The following HCFC1 variants were observed in gnomAD, a reference collection of about 807,000 sequenced individuals.
HCFC1 encodes host cell factor C1, also known as host cell factor 1.
A neutral mutation model predicts 105.5 loss-of-function variants in HCFC1; 7 were observed. That is an observed-to-expected ratio of 0.07 (90% confidence interval 0.04 to 0.12). The LOEUF (loss-of-function observed/expected upper bound fraction) is 0.12, where lower values mean the gene tolerates loss of function less well. HCFC1 is among the 10% of genes least tolerant of loss of function. The probability of loss-of-function intolerance (pLI) is 1.00; values close to 1 mark genes in which losing one functional copy is unlikely to be tolerated. For missense variants in HCFC1, 1,065 were observed against 1,823.6 expected (o/e 0.58, Z 7.58); for synonymous variants, 918 against 828.1 (o/e 1.11, Z -1.86).
chrX:153,950,074 G>C (rs1487001103), intron 24 of HCFC1, among the ~76,000 whole-genome samples, 169 bp downstream of exon 24: 2 of 111,918 alleles, frequency 1.8e-5, no homozygotes, highest in Non-Finnish European at 3.8e-5. Flanking sequence ...CCCGGAGCTG[G>C]GTCCCCTGCT....
At position 153,956,847 on chromosome X, in the gene HCFC1, AG is replaced by A. The variant is rs1301720296; in HGVS notation, c.2496+70del. Reference sequence around the variant, plus strand: ...TGCTGCCCCTCCCAGGCCTGTCGGGAGGACCTGCGTGGCGTGCTGGGGTGGA... The same window carrying A: ...TGCTGCCCCTCCCAGGCCTGTCGGGAGACCTGCGTGGCGTGCTGGGGTGGA... On this transcript the variant is annotated intron_variant, in intron 14 of 25. Transcript: ENST00000310441. The A allele has an allele frequency of 3.3e-6, 4 of 1,202,372 alleles. No individual in the cohort carries two copies. The Admixed American group carries it at 8.7e-5, about 26-fold the overall frequency.
intron 22 of HCFC1, among the ~76,000 whole-genome samples, 162 bp from the exon 23 acceptor site, chrX:153,951,160 C>T (rs1236085260): frequency 2.7e-5 from 3 of 112,148 alleles, no homozygotes; most frequent in East Asian, 5.6e-4. Flanking sequence ...GACTGTGGCC[C>T]GGTACTGGCG....
At chrX:153,965,384 G>A (rs925903350) in intron 1 of HCFC1, among the ~76,000 whole-genome samples, 1 of 111,510 alleles carries the variant, frequency 9.0e-6, no homozygotes, top group East Asian at 2.8e-4. Flanking sequence ...AGGGTGAGGC[G>A]ACCACCAAGA....
rs1225477214 is a variant in HCFC1, at chrX:153,949,250, G to C, written c.*97C>G. ...GTGAACAGCGGCTCGCGAGGGTGAA[G>C]TGCGAATGCTGGGACGGGGTGGGAG... On this transcript the variant is annotated 3_prime_UTR_variant, in exon 26 of 26. Coordinates refer to ENST00000310441, the MANE Select transcript of HCFC1 (RefSeq NM_005334.3). 2 of 625,059 alleles carry C rather than the reference G, an allele frequency of 3.2e-6. No homozygotes were observed. Among genetic ancestry groups the C allele is most frequent in the African/African-American group, 4.7e-5 (2 of 42,130 alleles). 51.5% of individuals were successfully genotyped at this position (625,059 alleles called of 1,213,427 possible).
intron 5 of HCFC1, 34 bp from the exon 6 acceptor site, chrX:153,961,682 G>T: frequency 2.8e-6 from 3 of 1,058,276 alleles, no homozygotes; most frequent in Non-Finnish European, 3.9e-6. Flanking sequence ...GGAAAGGATT[G>T]TAGAGTTGGT....
At chrX:153,962,405 G>C in intron 4 of HCFC1, 99 bp from the exon 5 acceptor site, 2 of 584,560 alleles carry the variant, frequency 3.4e-6, no homozygotes, top group Non-Finnish European at 5.7e-6. Context: ...CTGTCTCAGT[G>C]AGAGAATTCC....
intron 10 of HCFC1, 45 bp from the exon 11 acceptor site, chrX:153,958,294 T>C (rs1557115741): frequency 2.9e-6 from 3 of 1,044,406 alleles, no homozygotes; most frequent in Middle Eastern, 2.7e-4. Flanking sequence ...AAGAAAGCGA[T>C]GGGGAAACCA....
chrX:153,951,801 CCCCCACCA>C (rs2148560464), intron 20 of HCFC1, 32 bp downstream of exon 20: 1 of 1,169,533 alleles, frequency 8.6e-7, no homozygotes, highest in African/African-American at 1.7e-5. Context: ...TCCCTGGGTG[CCCCCACCA>C]CCCCAGCACC....
rs2065277977 is a variant in HCFC1 at position 153,948,573 on chromosome X, G to A, written c.*774C>T. 8.8e-6 allele frequency: 1 copy of A among 113,023 alleles called. No individual in the cohort carries two copies. Among genetic ancestry groups the A allele is most frequent in the Non-Finnish European group, 1.9e-5 (1 of 53,274 alleles). The allele number at this position is 113,023 out of a possible 1,213,427, so 9.3% of individuals were successfully genotyped here. A position where few individuals can be genotyped will look rare whatever the true frequency, so the allele number is the denominator to read the frequency against. ...TACACAGCTAACAACAACAAAAAAG[G>A]GACAAAACCCCACACGCTAAAATTA... is the stretch of plus-strand genomic sequence containing the variant. On this transcript the variant is annotated 3_prime_UTR_variant, in exon 26 of 26. Transcript: ENST00000310441.
chrX:153,964,325 A>T, intron 2 of HCFC1, 41 bp from the exon 3 acceptor site: 1 of 1,122,926 alleles, frequency 8.9e-7, no homozygotes, highest in South Asian at 2.2e-5. Flanking sequence ...TGGGATGAGA[A>T]GGCCACCACT....
rs947659513 is a variant in HCFC1 at position 153,955,316 on chromosome X, G to A, written c.3083C>T (p.Thr1028Met). The A allele has an allele frequency of 2.5e-6, 3 of 1,211,796 alleles. No individual in the cohort carries two copies. Among genetic ancestry groups the A allele is most frequent in the East Asian group, 3.0e-5 (1 of 33,859 alleles). ...CETHETGTTN[T>M]ATTTVVANLG... ...GTTAGCCACAACAGTAGTGGTGGCC[G>A]TGTTGGTGGTGCCAGTCTCGTGGGT... Residue 1028 changes from threonine (T) to methionine (M), a missense_variant, in exon 17 of 26, where the codon ACG (threonine) becomes ATG (methionine). This residue lies in a region of HCFC1 where 546 missense variants were observed against 599.9 expected (regional missense o/e 0.91). Coordinates refer to ENST00000310441, the MANE Select transcript of HCFC1 (RefSeq NM_005334.3).
chrX:153,950,506 G>A lies in HCFC1; in HGVS notation c.5741C>T (p.Ser1914Phe), dbSNP rs782810696. The change falls in exon 24 of 26, where the codon TCT becomes TTT. Residue 1914 changes from serine (S) to phenylalanine (F), a missense_variant. This residue lies in a region of HCFC1 where 32 missense variants were observed against 68.3 expected (regional missense o/e 0.47). Coordinates refer to ENST00000310441, the MANE Select transcript of HCFC1 (RefSeq NM_005334.3). ...DGAHLTWEPP[S>F]VTSGKIIEYS... Reference sequence around the variant, plus strand: ...CTCGATAATCTTGCCGGAGGTCACAGAGGGTGGCTCCCAGGTGAGGTGAGC... The same window carrying A: ...CTCGATAATCTTGCCGGAGGTCACAAAGGGTGGCTCCCAGGTGAGGTGAGC... 8.5e-7 allele frequency: 1 copy of A among 1,181,926 alleles called. No individual in the cohort carries two copies. The highest frequency in any genetic ancestry group is 1.1e-6 in the Non-Finnish European group (1 of 878,510).
At chrX:153,968,872 A>G (rs1028952093) in intron 1 of HCFC1, among the ~76,000 whole-genome samples, 1 of 111,806 alleles carries the variant, frequency 8.9e-6, no homozygotes, top group Non-Finnish European at 1.9e-5. Flanking sequence ...AAACAGCCCC[A>G]CCACTGGAGA....
chrX:153,960,487 C>G (rs1557116548), intron 6 of HCFC1, 73 bp from the exon 7 acceptor site: 10 of 733,958 alleles, frequency 1.4e-5, no homozygotes, highest in Non-Finnish European at 1.9e-5. Flanking sequence ...GCCCTTGGTT[C>G]TTTTGTTGTC....
chrX:153,970,608 G>A (rs782036573), intron 1 of HCFC1, 40 bp downstream of exon 1: 10 of 1,034,400 alleles, frequency 9.7e-6, no homozygotes, highest in East Asian at 3.3e-5. Flanking sequence ...GGAGATGGAG[G>A]GAGGGAAAGA....
In HCFC1 at chrX:153,954,944, G is replaced by C. The variant is rs868914963; in HGVS notation, c.3455C>G (p.Ala1152Gly). 16 of 1,195,698 alleles carry C rather than the reference G, an allele frequency of 1.3e-5. No individual in the cohort carries two copies. The highest frequency in any genetic ancestry group is 3.5e-5 in the African/African-American group (2 of 57,311). ...CTGGGCTGCCTCCAGCGCCCCAGTG[G>C]CCACACTGATCCGGATCACGGCAGG... Reference protein sequence around the residue: ...GTPAVIRISVATGALEAAQGS... With the variant: ...GTPAVIRISVGTGALEAAQGS... Residue 1152 changes from alanine to glycine, a missense_variant, in exon 17 of 26, where the codon GCC (alanine) becomes GGC (glycine). By Grantham distance (60) the Ala-to-Gly change is moderately conservative (BLOSUM62 0). This residue lies in a region of HCFC1 where 546 missense variants were observed against 599.9 expected (regional missense o/e 0.91). Coordinates refer to ENST00000310441, the MANE Select transcript of HCFC1 (RefSeq NM_005334.3).
At chrX:153,968,958 C>A (rs1255646887) in intron 1 of HCFC1, among the ~76,000 whole-genome samples, 1 of 109,028 alleles carries the variant, frequency 9.2e-6, no homozygotes, top group African/African-American at 3.6e-5. Context: ...CCACCAAGCG[C>A]CCCCGCCCGG....
In HCFC1 at chrX:153,950,186, T is replaced by C. The variant is rs930868659; in HGVS notation, c.6004+57A>G. On this transcript the variant is annotated intron_variant, in intron 24 of 25. Coordinates refer to ENST00000310441, the MANE Select transcript of HCFC1 (RefSeq NM_005334.3). ...CTCAGATGGTGACAGTTCCTCCTGC[T>C]GCACCCGGCTTCCTGGGCCTTCCCT... 5.7e-5 allele frequency: 61 copies of C among 1,063,010 alleles called. No individual in the cohort carries two copies. In the African/African-American group the frequency reaches 1.0e-3, roughly 17 times the overall value. 87.6% of individuals were successfully genotyped at this position (1,063,010 alleles called of 1,213,427 possible). A position where few individuals can be genotyped will look rare whatever the true frequency, so the allele number is the denominator to read the frequency against.
rs2065531996 is a variant in HCFC1 at position 153,971,356 on chromosome X, G to T, written c.-516C>A. The stretch of plus-strand genomic sequence containing the variant: ...GCCGGCGCTCAGACCACAATTGTGG[G>T]AGCCGCCATCTTGAGACCGTCCCGC... On this transcript the variant is annotated 5_prime_UTR_variant, in exon 1 of 26. Coordinates refer to ENST00000310441, the MANE Select transcript of HCFC1 (RefSeq NM_005334.3). 1.0e-5 allele frequency: 3 copies of T among 296,635 alleles called. No homozygotes were observed. Among genetic ancestry groups the T allele is most frequent in the Non-Finnish European group, 1.8e-5 (3 of 170,103 alleles). 24.4% of individuals were successfully genotyped at this position (296,635 alleles called of 1,213,427 possible).
Sources: allele counts gnomAD v4.1 joint callset (sites outside exome capture counted in the v4.1 genomes callset), GRCh38; gene constraint gnomAD v4.1.1; regional missense constraint gnomAD v4.1.1; transcripts MANE v1.5; gene names NCBI Gene and HGNC (gene_info 2026-07-23, HGNC 2026-07-21).